GRM6: variants seen among roughly 807,000 people sequenced by gnomAD.
GRM6 encodes the protein metabotropic glutamate receptor 6.
Under a neutral mutation model 78.4 loss-of-function variants are expected in GRM6, and 73 were observed. That is an observed-to-expected ratio of 0.93 (90% CI 0.77 to 1.13). The LOEUF (loss-of-function observed/expected upper bound fraction) is 1.13. Among genes scored for constraint, GRM6 ranks in the 50% most tolerant of loss-of-function variants. GRM6 has a pLI of 0.00. For missense variants in GRM6, 1,251 were observed against 1,256.4 expected (o/e 1.00, Z 0.07); for synonymous variants, 580 against 555.0 (o/e 1.05, Z -0.63).
rs892049936 is a variant in GRM6 at position 178,988,553 on chromosome 5, C to T, written c.1354+382G>A. ...TGCCTGGCGCATGACTCAGAGTGGGCGGCATGTCCCTGGGTAGGCGCCCCA... is the reference window on the plus strand; with the variant it reads ...TGCCTGGCGCATGACTCAGAGTGGGTGGCATGTCCCTGGGTAGGCGCCCCA... On this transcript the variant is annotated intron_variant, in intron 7 of 10. Coordinates refer to ENST00000517717, the MANE Select transcript of GRM6 (RefSeq NM_000843.4). The surrounding 1 kb of genome is among the most constrained non-coding windows in gnomAD (Gnocchi z 6.0). Among the ~76,000 whole-genome samples, 5 of 152,144 alleles carry T rather than the reference C, an allele frequency of 3.3e-5. No homozygotes were observed. The highest frequency in any genetic ancestry group is 5.9e-5 in the Non-Finnish European group (4 of 68,028).
chr5:178,988,990 C>A lies in GRM6; in HGVS notation c.1299G>T (p.Met433Ile). 1.2e-6 allele frequency: 2 copies of A among 1,614,092 alleles called. No individual in the cohort carries two copies. The highest frequency in any genetic ancestry group is 1.7e-6 in the Non-Finnish European group (2 of 1,180,004). ...CPGHTGLCPA[M>I]EPTDGRMLLQ... is the part of the protein sequence containing the mutation. ...GAAGCATCCGCCCATCAGTGGGTTC[C>A]ATCGCCGGGCACAGGCCTGTGTGCC... The change falls in exon 7 of 11, where the codon ATG (methionine) becomes ATT (isoleucine). Residue 433 changes from methionine to isoleucine, a missense_variant. By Grantham distance (10) the Met-to-Ile change is conservative. Transcript: ENST00000517717. This position sits in a 1 kb window ranked among gnomAD's most constrained non-coding sequence, Gnocchi z 6.0.
Position 178,986,490 on chromosome 5 carries a change from C to T in GRM6, c.1764G>A (p.Pro588=), listed in dbSNP as rs138980304. ...RLSWSSPWAA[P]PLLLAVLGIV... is the part of the protein sequence containing the mutation. Reference sequence around the variant, plus strand: ...TGCCCAGCACGGCCAGGAGGAGCGGCGGGGCTGCCCAGGGGGAGGACCAGC... The same window carrying T: ...TGCCCAGCACGGCCAGGAGGAGCGGTGGGGCTGCCCAGGGGGAGGACCAGC... The change falls in exon 9 of 11, where the codon CCG becomes CCA. Residue 588 remains proline (P), a synonymous_variant. Transcript: ENST00000517717. 2.3e-5 allele frequency: 37 copies of T among 1,610,316 alleles called. No individual in the cohort carries two copies. Among genetic ancestry groups the T allele is most frequent in the Middle Eastern group, 1.7e-4 (1 of 6,044 alleles).
chr5:178,990,262 C>T (rs1760646426), intron 5 of GRM6: 4 of 380,804 alleles, frequency 1.1e-5, no homozygotes, highest in South Asian at 4.5e-5. Flanking sequence ...TGGTATATTC[C>T]GTATCCTTGG....
rs1171780173 is a variant in GRM6 at position 178,987,003 on chromosome 5, T to A, written c.1355-20A>T. 4 of 1,609,824 alleles carry A rather than the reference T, an allele frequency of 2.5e-6. No homozygotes were observed. The East Asian group carries it at 9.0e-5, about 36-fold the overall frequency. ...CGCTGCCTGGAGAGAGAGTCCGTCA[T>A]CCTCGGTGGTCCTCCAGCCCAGCAG... is the stretch of plus-strand genomic sequence containing the variant. On this transcript the variant is annotated intron_variant, in intron 7 of 10. Transcript: ENST00000517717.
chr5:178,982,413 A>G (rs1346523758), intron 10 of GRM6, among the ~76,000 whole-genome samples: 3 of 151,932 alleles, frequency 2.0e-5, no homozygotes, highest in Admixed American at 2.0e-4. Flanking sequence ...CCCCATCTCT[A>G]CTAAAATTAC....
chr5:178,992,154 C>T lies in GRM6; in HGVS notation c.505-71G>A, dbSNP rs575080324. 0.019 allele frequency: 19,632 copies of T among 1,033,776 alleles called. 256 individuals are homozygous for T. The highest frequency in any genetic ancestry group is 0.041 in the Middle Eastern group (204 of 4,998). The allele number at this position is 1,033,776 out of a possible 1,614,324, so 64.0% of individuals were successfully genotyped here. On this transcript the variant is annotated intron_variant, in intron 2 of 10. Coordinates refer to ENST00000517717, the MANE Select transcript of GRM6 (RefSeq NM_000843.4). The surrounding 1 kb of genome is among the most constrained non-coding windows in gnomAD (Gnocchi z 4.9). ...CTCAAGAGAGGGAGGGTAAGGGGGGCCCAGGACACGGACGGGGCACAGAAG... is the reference window on the plus strand; with the variant it reads ...CTCAAGAGAGGGAGGGTAAGGGGGGTCCAGGACACGGACGGGGCACAGAAG...
rs140131682 is a variant in GRM6 at position 178,988,111 on chromosome 5, T to TA, written c.1354+823dup. ...TACACTTAAAAAATGGTTAAGGTGA[T>TA]ACATTTTATATTATATGTATTTTAT... On this transcript the variant is annotated intron_variant, in intron 7 of 10. Coordinates refer to ENST00000517717, the MANE Select transcript of GRM6 (RefSeq NM_000843.4). This position sits in a 1 kb window ranked among gnomAD's most constrained non-coding sequence, Gnocchi z 6.0. 9.5e-4 allele frequency among the ~76,000 whole-genome samples: 145 copies of TA among 152,244 alleles called. 1 individual carries two copies. In the East Asian group the frequency reaches 0.026, roughly 27 times the overall value.
Position 178,986,311 on chromosome 5 carries a change from G to A in GRM6, c.1943C>T (p.Ala648Val), listed in dbSNP as rs61733863. Residue 648 changes from alanine to valine, a missense_variant, in exon 9 of 11, where the codon GCG becomes GTG. Transcript: ENST00000517717. ...TFLMVAEPGA[A>V]VCAARRLFLG... ...GAAGAGCCTGCGGGCGGCACAGACC[G>A]CGGCCCCAGGCTCAGCCACCATGAG... is the stretch of plus-strand genomic sequence containing the variant. The A allele has an allele frequency of 2.7e-4, 436 of 1,613,998 alleles. 2 individuals carry two copies. Among genetic ancestry groups the A allele is most frequent in the African/African-American group, 1.2e-3 (93 of 75,064 alleles).
rs554906639 is a variant in GRM6 at position 178,991,069 on chromosome 5, C to T, written c.858-323G>A. On this transcript the variant is annotated intron_variant, in intron 4 of 10. Coordinates refer to ENST00000517717, the MANE Select transcript of GRM6 (RefSeq NM_000843.4). This position sits in a 1 kb window ranked among gnomAD's most constrained non-coding sequence, Gnocchi z 5.0. ...CAGCCTCCTAGGCTGGAGATGAACT[C>T]GGGCCGGTGGGTCTCGGGCTGGGGT... 7.2e-4 allele frequency among the ~76,000 whole-genome samples: 109 copies of T among 152,234 alleles called. No homozygotes were observed. Among genetic ancestry groups the T allele is most frequent in the African/African-American group, 2.5e-3 (103 of 41,546 alleles).
In GRM6 at chr5:178,986,982, G is replaced by T. The variant is rs552033137; in HGVS notation, c.1356C>A (p.Gly452=). ...LQYIRAVRFN[G]SAGTPVMFNE... is the part of the protein sequence containing the mutation. ...TGAACATCACAGGGGTTCCTGCGCT[G>T]CCTGGAGAGAGAGTCCGTCATCCTC... Residue 452 remains glycine (G), a splice_region_variant and synonymous_variant, in exon 8 of 11, where the codon GGC becomes GGA. Transcript: ENST00000517717. The T allele has an allele frequency of 9.0e-5, 145 of 1,613,396 alleles. 4 individuals are homozygous for T. In the South Asian group the frequency reaches 1.5e-3, roughly 17 times the overall value.
rs150290493 is a variant in GRM6 at position 178,986,432 on chromosome 5, C to G, written c.1822G>C (p.Val608Leu). 17 of 1,613,414 alleles carry G rather than the reference C, an allele frequency of 1.1e-5. No homozygotes were observed. The South Asian group carries it at 1.8e-4, about 17-fold the overall frequency. The change falls in exon 9 of 11, where the codon GTG (valine) becomes CTG (leucine). Residue 608 changes from valine (V) to leucine (L), a missense_variant. Coordinates refer to ENST00000517717, the MANE Select transcript of GRM6 (RefSeq NM_000843.4). Reference sequence around the variant, plus strand: ...ACGATGGGCGTGTTGTTGTACCGCACGAAGGTGGCCACCACCGTGGTAGTG... The same window carrying G: ...ACGATGGGCGTGTTGTTGTACCGCAGGAAGGTGGCCACCACCGTGGTAGTG... ...VATTTVVATF[V>L]RYNNTPIVRA...
Position 178,992,179 on chromosome 5 carries a change from G to C in GRM6, c.505-96C>G. ...CCCAGGACACGGACGGGGCACAGAA[G>C]GTGTGTGGCATGGACCTGGGACACA... is the stretch of plus-strand genomic sequence containing the variant. On this transcript the variant is annotated intron_variant, in intron 2 of 10. Transcript: ENST00000517717. This position sits in a 1 kb window ranked among gnomAD's most constrained non-coding sequence, Gnocchi z 4.9. 1.2e-6 allele frequency: 1 copy of C among 832,398 alleles called. No homozygotes were observed. Among genetic ancestry groups the C allele is most frequent in the Non-Finnish European group, 2.0e-6 (1 of 501,176 alleles). The allele number at this position is 832,398 out of a possible 1,614,324, so 51.6% of individuals were successfully genotyped here.
At position 178,987,949 on chromosome 5, in the gene GRM6, G is replaced by A. The variant is rs113885146; in HGVS notation, c.1355-966C>T. ...TAATTTTTGTATTTTTAGTAGAGAT[G>A]GGGTTTCACCATGTTGGCCAGGCTG... is the stretch of plus-strand genomic sequence containing the variant. On this transcript the variant is annotated intron_variant, in intron 7 of 10. Coordinates refer to ENST00000517717, the MANE Select transcript of GRM6 (RefSeq NM_000843.4). Among the ~76,000 whole-genome samples the A allele has an allele frequency of 2.0e-4, 30 of 148,866 alleles. 1 individual carries two copies. The highest frequency in any genetic ancestry group is 7.4e-4 in the African/African-American group (30 of 40,514).
At position 178,986,419 on chromosome 5, in the gene GRM6, T is replaced by C. The variant is rs1230718867; in HGVS notation, c.1835A>G (p.Asn612Ser). ...GCCCGAGGCCCGGACGATGGGCGTG[T>C]TGTTGTACCGCACGAAGGTGGCCAC... ...TVVATFVRYN[N>S]TPIVRASGRE... is the part of the protein sequence containing the mutation. Residue 612 changes from asparagine (N) to serine (S), a missense_variant, in exon 9 of 11, where the codon AAC (asparagine) becomes AGC (serine). Asn to Ser is a conservative substitution (Grantham distance 46, BLOSUM62 1). Coordinates refer to ENST00000517717, the MANE Select transcript of GRM6 (RefSeq NM_000843.4). 1 of 1,613,574 alleles carries C rather than the reference T, an allele frequency of 6.2e-7. No homozygotes were observed. Among genetic ancestry groups the C allele is most frequent in the Admixed American group, 1.7e-5 (1 of 60,010 alleles).
chr5:178,982,524 C>CCAAGAT (rs1417074400), intron 10 of GRM6, among the ~76,000 whole-genome samples: 5 of 125,702 alleles, frequency 4.0e-5, no homozygotes, highest in Non-Finnish European at 7.8e-5. Flanking sequence ...TTGCAGTGAG[C>CCAAGAT]CAAGATCACG....
At position 178,986,466 on chromosome 5, in the gene GRM6, G is replaced by A. The variant is rs999805932; in HGVS notation, c.1788C>T (p.Gly596=). 6.2e-7 allele frequency: 1 copy of A among 1,612,320 alleles called. No individual in the cohort carries two copies. Among genetic ancestry groups the A allele is most frequent in the Non-Finnish European group, 8.5e-7 (1 of 1,179,540 alleles). The change falls in exon 9 of 11, where the codon GGC becomes GGT. Residue 596 remains glycine (G), a synonymous_variant. Transcript: ENST00000517717. Reference sequence around the variant, plus strand: ...CCACCACCGTGGTAGTGGCCACGATGCCCAGCACGGCCAGGAGGAGCGGCG... The same window carrying A: ...CCACCACCGTGGTAGTGGCCACGATACCCAGCACGGCCAGGAGGAGCGGCG... The part of the protein sequence containing the change: ...AAPPLLLAVL[G]IVATTTVVAT...
At chr5:178,989,217 A>G (rs2856360) in intron 6 of GRM6, 48 bp downstream of exon 6, 7 of 957,446 alleles carry the variant, frequency 7.3e-6, no homozygotes, top group Admixed American at 2.7e-5. Context: ...CCCCACCCTC[A>G]CCACCCTCCC....
Position 178,982,921 on chromosome 5 carries a change from A to G in GRM6, c.2425T>C (p.Ser809Pro). 1.2e-6 allele frequency: 2 copies of G among 1,613,664 alleles called. No individual in the cohort carries two copies. Reference protein sequence around the residue: ...FVPIFFGTAQSAEKIYIQTTT... With the variant: ...FVPIFFGTAQPAEKIYIQTTT... Reference sequence around the variant, plus strand: ...GGGGACCTCATTACCTTTTCAGCTGACTGGGCAGTGCCAAAGAAGATGGGC... The same window carrying G: ...GGGGACCTCATTACCTTTTCAGCTGGCTGGGCAGTGCCAAAGAAGATGGGC... Residue 809 changes from serine to proline, a missense_variant, in exon 10 of 11, where the codon TCA becomes CCA. Transcript: ENST00000517717.
chr5:178,983,525 T>A, intron 9 of GRM6: 1 of 586,606 alleles, frequency 1.7e-6, no homozygotes. Context: ...TGGTGTCCTC[T>A]TCCTGCATTC....
Sources: gnomAD v4.1 joint callset for allele counts (sites outside exome capture counted in the v4.1 genomes callset) on GRCh38, gnomAD v4.1.1 for gene constraint, Gnocchi (gnomAD v3.1) non-coding constraint, MANE v1.5 for transcripts, NCBI Gene and HGNC (gene_info 2026-07-23, HGNC 2026-07-21) for gene names.